Variants in CCDC7 observed in about 807,000 individuals in gnomAD.
CCDC7 encodes the protein coiled-coil domain containing 7, also known as coiled-coil domain-containing protein 7.
In CCDC7, 183 loss-of-function variants were observed where a neutral mutation model predicts 196.9. The observed-to-expected ratio is 0.93, with a 90% CI of 0.82 to 1.05. CCDC7 has a LOEUF of 1.05. Ranked by LOEUF, CCDC7 falls within the 50% of genes least tolerant of loss-of-function variation. The pLI, the probability that CCDC7 is intolerant of heterozygous loss-of-function variation, is 0.00. For synonymous variants in CCDC7, 525 were observed against 484.6 expected (o/e 1.08, Z -1.10); for missense variants, 1,540 against 1,482.2 (o/e 1.04, Z -0.64).
intron 21 of CCDC7, among the ~76,000 whole-genome samples, chr10:32,665,552 G>A (rs1048299184): frequency 3.3e-5 from 5 of 151,828 alleles, no homozygotes; most frequent in Non-Finnish European, 1.5e-5. Flanking sequence ...CAACACCATT[G>A]TATATTTTAT....
chr10:32,862,265 A>G (rs2094020594), intron 41 of CCDC7, among the ~76,000 whole-genome samples: 1 of 152,176 alleles, frequency 6.6e-6, no homozygotes, highest in Admixed American at 6.5e-5. Context: ...CGTCCTTTGC[A>G]GGGACATGGA....
At chr10:32,701,110 G>A (rs1240440967) in intron 24 of CCDC7, among the ~76,000 whole-genome samples, 1 of 152,210 alleles carries the variant, frequency 6.6e-6, no homozygotes. Flanking sequence ...GGAGTGGTAA[G>A]AGAGGGCATC....
intron 41 of CCDC7, among the ~76,000 whole-genome samples, chr10:32,869,416 G>GT (rs1457742310): frequency 2.0e-5 from 3 of 151,990 alleles, no homozygotes; most frequent in Admixed American, 6.6e-5. Flanking sequence ...TGATGGGGTT[G>GT]TTTTTTTCTT....
intron 28 of CCDC7, among the ~76,000 whole-genome samples, chr10:32,777,711 A>C (rs1451163974): frequency 6.6e-6 from 1 of 152,074 alleles, no homozygotes; most frequent in East Asian, 1.9e-4. Flanking sequence ...ACAAAAAAAA[A>C]AAATTAGCCA....
intron 30 of CCDC7, among the ~76,000 whole-genome samples, chr10:32,813,094 GCAACAA>G (rs35146963): frequency 2.6e-5 from 4 of 151,238 alleles, no homozygotes; most frequent in African/African-American, 9.7e-5. Flanking sequence ...TCCCAAAACA[GCAACAA>G]CAACAACAAC....
At chr10:32,774,291 T>C (rs78436044) in intron 28 of CCDC7, among the ~76,000 whole-genome samples, 3,005 of 136,424 alleles carry the variant, frequency 0.022, 137 homozygotes, top group Admixed American at 0.13. Flanking sequence ...AACCTTCCCC[T>C]TTTTTTTTTT....
rs140281245 is a variant in CCDC7, at chr10:32,658,784, G to T, written c.2015-5270G>T. Among the ~76,000 whole-genome samples the T allele has an allele frequency of 7.9e-3, 1,199 of 152,190 alleles. 7 individuals are homozygous for T. Among genetic ancestry groups the T allele is most frequent in the Middle Eastern group, 0.02 (6 of 294 alleles). On this transcript the variant is annotated intron_variant, in intron 20 of 41. Transcript: ENST00000639629. ...AAGACATATATTGCAGTCTTGGTAA[G>T]TTACATATTTCTATGAATTTATACA... is the stretch of plus-strand genomic sequence containing the variant.
chr10:32,484,559 A>C (rs528635228), intron 8 of CCDC7, among the ~76,000 whole-genome samples: 1 of 152,266 alleles, frequency 6.6e-6, no homozygotes, highest in South Asian at 2.1e-4. Flanking sequence ...GAGGGAGGGC[A>C]TTGCTGTCTT....
rs2080597854 is a variant in CCDC7, at chr10:32,779,034, ACC to A, written c.2965_2966del (p.Pro989ValfsTer3). The A allele has an allele frequency of 2.6e-6, 4 of 1,550,294 alleles. No homozygotes were observed. Among genetic ancestry groups the A allele is most frequent in the Non-Finnish European group, 3.5e-6 (4 of 1,146,846 alleles). On this transcript the variant is annotated frameshift_variant, in exon 29 of 42. Coordinates refer to ENST00000639629, the Ensembl canonical transcript of CCDC7. LOFTEE classifies it high-confidence loss of function. ...ACAGCAGAAAATCTTCCAGCAATGT[ACC>A]CGTCAATTAGCGACCTAATAATTCA...
intron 21 of CCDC7, among the ~76,000 whole-genome samples, chr10:32,670,085 T>G (rs2073752811): frequency 6.6e-6 from 1 of 152,104 alleles, no homozygotes; most frequent in Non-Finnish European, 1.5e-5. Flanking sequence ...GACATGTCCT[T>G]TCCTGGGTTG....
chr10:32,849,701 CAAAAAAAAAA>C, intron 39 of CCDC7, among the ~76,000 whole-genome samples: 1 of 80,822 alleles, frequency 1.2e-5, no homozygotes, highest in Non-Finnish European at 2.3e-5. Context: ...GACTCCGTCT[CAAAAAAAAAA>C]AAAAAAAAAG....
At chr10:32,553,533 C>G (rs532732897) in intron 13 of CCDC7, among the ~76,000 whole-genome samples, 1 of 152,250 alleles carries the variant, frequency 6.6e-6, no homozygotes, top group Non-Finnish European at 1.5e-5. Context: ...GGTTCCTTCT[C>G]ATTTGGATAG....
At chr10:32,880,750 A>C (rs1472948254), downstream of CCDC7, among the ~76,000 whole-genome samples, 1 of 152,108 alleles carries the variant, frequency 6.6e-6, no homozygotes, top group African/African-American at 2.4e-5. Context: ...CAGCTTCTGC[A>C]TATGGCTAGC....
chr10:32,632,390 G>C (rs560833438), intron 18 of CCDC7, among the ~76,000 whole-genome samples: 4 of 151,432 alleles, frequency 2.6e-5, no homozygotes, highest in Admixed American at 1.3e-4. Flanking sequence ...TTAGTATATC[G>C]ATTTTCAGTT....
At chr10:32,722,676 G>T (rs942018765) in intron 25 of CCDC7, among the ~76,000 whole-genome samples, 15 of 151,914 alleles carry the variant, frequency 9.9e-5, no homozygotes, top group African/African-American at 3.6e-4. Flanking sequence ...CCACTCTAAT[G>T]ACCTCATTTT....
downstream of CCDC7, among the ~76,000 whole-genome samples, chr10:32,878,804 A>G (rs956707458): frequency 6.6e-6 from 1 of 152,160 alleles, no homozygotes; most frequent in African/African-American, 2.4e-5. Flanking sequence ...AGTCTTTTGA[A>G]TGTGTTTTTC....
chr10:32,860,802 C>T (rs957484429), intron 41 of CCDC7, among the ~76,000 whole-genome samples: 1 of 152,116 alleles, frequency 6.6e-6, no homozygotes, highest in African/African-American at 2.4e-5. Flanking sequence ...AGTGAACTCC[C>T]ATTCACAATT....
chr10:32,506,627 A>G (rs1564491520), intron 9 of CCDC7, among the ~76,000 whole-genome samples: 3 of 152,214 alleles, frequency 2.0e-5, no homozygotes, highest in African/African-American at 7.2e-5. Context: ...CGAGGGGGGC[A>G]GATCACTCAA....
At chr10:32,597,058 T>G (rs1350989862) in intron 18 of CCDC7, among the ~76,000 whole-genome samples, 1 of 152,170 alleles carries the variant, frequency 6.6e-6, no homozygotes, top group African/African-American at 2.4e-5. Context: ...TTTCCCGAAT[T>G]TGAATGTTGG....
Sources: allele counts gnomAD v4.1 joint callset (sites outside exome capture counted in the v4.1 genomes callset), GRCh38; gene constraint gnomAD v4.1.1; transcripts MANE v1.5; gene names NCBI Gene and HGNC (gene_info 2026-07-23, HGNC 2026-07-21).